STAU2: variants seen among roughly 807,000 people sequenced by gnomAD.
STAU2 encodes double-stranded RNA-binding protein Staufen homolog 2.
STAU2 carries 20 observed loss-of-function variants against 65.9 expected under a neutral mutation model. The observed-to-expected ratio is 0.30, with a 90% CI of 0.21 to 0.44. STAU2 has a LOEUF of 0.44. Among genes scored for constraint, STAU2 ranks in the 20% least tolerant of loss-of-function variants. The pLI is 1.00. For missense variants in STAU2, 558 were observed against 683.9 expected (o/e 0.82, Z 2.05); for synonymous variants, 232 against 233.9 (o/e 0.99, Z 0.07).
chr8:73,633,134 G>A (rs1325569302), intron 6 of STAU2, among the ~76,000 whole-genome samples: 2 of 152,304 alleles, frequency 1.3e-5, no homozygotes, highest in Non-Finnish European at 1.5e-5. Flanking sequence ...AGAGGTTATA[G>A]CTAACAATTA....
chr8:73,616,269 C>T (rs16938703), intron 7 of STAU2, among the ~76,000 whole-genome samples: 29,222 of 152,060 alleles, frequency 0.19, 3,050 homozygotes, highest in East Asian at 0.37. Context: ...TTCTGGAAGG[C>T]CTCATATATG....
intron 13 of STAU2, among the ~76,000 whole-genome samples, chr8:73,460,475 AC>A (rs1450174028): frequency 1.3e-5 from 2 of 151,846 alleles, no homozygotes; most frequent in African/African-American, 4.8e-5. Context: ...TAGCTTAAAA[AC>A]TCCTTGTCAC....
chr8:73,701,915 T>C (rs947109729), intron 4 of STAU2, among the ~76,000 whole-genome samples: 3 of 152,184 alleles, frequency 2.0e-5, no homozygotes, highest in Non-Finnish European at 4.4e-5. Flanking sequence ...TGAGATCCTG[T>C]CATTTGCAAT....
intron 13 of STAU2, among the ~76,000 whole-genome samples, chr8:73,471,197 G>A (rs1252346770): frequency 1.9e-4 from 24 of 128,652 alleles, no homozygotes; most frequent in African/African-American, 5.9e-4. Context: ...TTTTGAGACA[G>A]AGTCTCACTC....
At chr8:73,666,356 T>A (rs1263408142) in intron 6 of STAU2, among the ~76,000 whole-genome samples, 1 of 152,192 alleles carries the variant, frequency 6.6e-6, no homozygotes, top group Non-Finnish European at 1.5e-5. Flanking sequence ...CATAATGCAA[T>A]CAAGTCAATT....
At chr8:73,583,065 A>G (rs1810109154) in intron 11 of STAU2, among the ~76,000 whole-genome samples, 1 of 152,102 alleles carries the variant, frequency 6.6e-6, no homozygotes, top group Non-Finnish European at 1.5e-5. Context: ...GATCATGTAA[A>G]TTTATAATTC....
At chr8:73,558,875 A>G (rs1807982289) in intron 12 of STAU2, among the ~76,000 whole-genome samples, 1 of 152,176 alleles carries the variant, frequency 6.6e-6, no homozygotes, top group Non-Finnish European at 1.5e-5. Context: ...TTGGACTATA[A>G]ATTTGTTTAT....
intron 13 of STAU2, among the ~76,000 whole-genome samples, chr8:73,507,778 C>G (rs1381378123): frequency 6.6e-6 from 1 of 152,202 alleles, no homozygotes; most frequent in Non-Finnish European, 1.5e-5. Flanking sequence ...AGTGTAACTA[C>G]AGTCTTCAAT....
chr8:73,724,675 G>GTGTGTA (rs144911202), intron 3 of STAU2, among the ~76,000 whole-genome samples: 65 of 138,112 alleles, frequency 4.7e-4, no homozygotes, highest in Middle Eastern at 3.7e-3. Context: ...GTGTGTGTGT[G>GTGTGTA]TATATATATA....
chr8:73,527,046 A>G (rs1363040526), intron 13 of STAU2, among the ~76,000 whole-genome samples: 1 of 152,200 alleles, frequency 6.6e-6, no homozygotes, highest in African/African-American at 2.4e-5. Context: ...TTACAATACC[A>G]TATTTTTACT....
chr8:73,455,563 G>A (rs1819018694), intron 13 of STAU2, among the ~76,000 whole-genome samples: 1 of 152,036 alleles, frequency 6.6e-6, no homozygotes, highest in African/African-American at 2.4e-5. Context: ...AGGAGTGCGA[G>A]GTATGTTCAC....
At chr8:73,729,638 G>C (rs529385292) in intron 3 of STAU2, among the ~76,000 whole-genome samples, 1 of 152,182 alleles carries the variant, frequency 6.6e-6, no homozygotes, top group South Asian at 2.1e-4. Context: ...GGAGTGCAAT[G>C]GCATAATCAT....
In STAU2 at chr8:73,509,950, C is replaced by T. The variant is rs559493248; in HGVS notation, c.1530+42062G>A. On this transcript the variant is annotated intron_variant, in intron 13 of 14. Coordinates refer to ENST00000524300, the MANE Select transcript of STAU2 (RefSeq NM_001164380.2). ...AGAAATGCTTATTTTTTAAATTTCA[C>T]AAAATTCTCAGGTAGTAAGCAAAGC... Among the ~76,000 whole-genome samples the T allele has an allele frequency of 1.7e-3, 256 of 152,220 alleles. 2 individuals are homozygous for T. Among genetic ancestry groups the T allele is most frequent in the Middle Eastern group, 6.8e-3 (2 of 294 alleles).
At chr8:73,488,856 T>C (rs1821036931) in intron 13 of STAU2, among the ~76,000 whole-genome samples, 1 of 151,978 alleles carries the variant, frequency 6.6e-6, no homozygotes, top group Non-Finnish European at 1.5e-5. Flanking sequence ...GCTTAATAAC[T>C]CATTGTGGGT....
intron 14 of STAU2, 33 bp from the exon 15 acceptor site, chr8:73,421,498 G>A: frequency 6.5e-7 from 1 of 1,533,126 alleles, no homozygotes; most frequent in Non-Finnish European, 8.7e-7. Flanking sequence ...AGAGCTGAAG[G>A]CCTGGGGTTG....
intron 13 of STAU2, among the ~76,000 whole-genome samples, chr8:73,484,467 A>C (rs1820805628): frequency 6.6e-6 from 1 of 152,150 alleles, no homozygotes; most frequent in Admixed American, 6.5e-5. Context: ...TGGAATAGAA[A>C]TGAAGCCCTG....
intron 3 of STAU2, among the ~76,000 whole-genome samples, chr8:73,726,220 G>C (rs572853147): frequency 1.1e-4 from 16 of 152,238 alleles, no homozygotes; most frequent in African/African-American, 3.4e-4. Context: ...ATAAGTGGGA[G>C]CTAAATTTGT....
At chr8:73,561,209 T>G (rs1808201098) in intron 12 of STAU2, among the ~76,000 whole-genome samples, 1 of 152,180 alleles carries the variant, frequency 6.6e-6, no homozygotes, top group Admixed American at 6.5e-5. Flanking sequence ...AGAGTCAGTG[T>G]GGTGCAGGGA....
At chr8:73,527,806 T>C (rs894990037) in intron 13 of STAU2, 2 of 1,534,548 alleles carry the variant, frequency 1.3e-6, no homozygotes, top group Non-Finnish European at 1.7e-6. Context: ...GTAGTGAACC[T>C]ATAACAGAAC....
Sources: gnomAD v4.1 joint callset for allele counts (sites outside exome capture counted in the v4.1 genomes callset) on GRCh38, gnomAD v4.1.1 for gene constraint, MANE v1.5 for transcripts, NCBI Gene and HGNC (gene_info 2026-07-23, HGNC 2026-07-21) for gene names.